Variants in EPG5 observed in about 807,000 individuals in gnomAD.
EPG5 encodes ectopic P granules protein 5 homolog.
In EPG5, 159 loss-of-function variants were observed where a neutral mutation model predicts 302.7. The ratio of observed to expected loss-of-function variants is 0.53; its 90% CI spans 0.46 to 0.60. The LOEUF is 0.60. Ranked by LOEUF, EPG5 falls within the 20% of genes least tolerant of loss-of-function variation. EPG5 has a pLI of 0.00. For missense variants in EPG5, 2,896 were observed against 3,092.4 expected (o/e 0.94, Z 1.51); for synonymous variants, 1,158 against 1,136.8 (o/e 1.02, Z -0.37).
chr18:45,837,809 G>A, the EPG5 span: 4 of 1,526,406 alleles, frequency 2.6e-6, no homozygotes, highest in Middle Eastern at 2.1e-4. Context: ...CCTGGCTGAC[G>A]ACCGCCGCTA....
rs756321214 is a variant in EPG5, at chr18:45,925,535, A to C, written c.2718+203T>G. 7.9e-5 allele frequency among the ~76,000 whole-genome samples: 12 copies of C among 152,208 alleles called. 1 individual carries two copies. The highest frequency in any genetic ancestry group is 1.8e-4 in the Non-Finnish European group (12 of 68,028). Reference sequence around the variant, plus strand: ...AATAAGGAAAAAGGGAAGAATTTTCAATGTGGAACAATTTATCCTCATTTA... The same window carrying C: ...AATAAGGAAAAAGGGAAGAATTTTCCATGTGGAACAATTTATCCTCATTTA... On this transcript the variant is annotated intron_variant, in intron 14 of 43. Transcript: ENST00000282041.
chr18:45,860,534 G>A (rs891177065), intron 39 of EPG5, among the ~76,000 whole-genome samples, 188 bp from the exon 40 acceptor site: 1 of 152,198 alleles, frequency 6.6e-6, no homozygotes, highest in Non-Finnish European at 1.5e-5. Flanking sequence ...TGCGGCACAC[G>A]GTTACTAAGA....
At chr18:45,840,563 C>A in the EPG5 span, among the ~76,000 whole-genome samples, 1 of 152,218 alleles carries the variant, frequency 6.6e-6, no homozygotes, top group Non-Finnish European at 1.5e-5. Context: ...CCGTTCCCCC[C>A]TGGCACTCTG....
chr18:45,836,987 T>C, the EPG5 span: 2 of 1,022,378 alleles, frequency 2.0e-6, no homozygotes, highest in South Asian at 1.3e-5. Context: ...TGAGCCTCAG[T>C]TTATTCACGT....
chr18:45,831,450 C>T, the EPG5 span, among the ~76,000 whole-genome samples: 1 of 152,182 alleles, frequency 6.6e-6, no homozygotes, highest in African/African-American at 2.4e-5. Context: ...GGGAAACTAA[C>T]CAAATAAGTG....
chr18:45,917,725 G>C lies in EPG5; in HGVS notation c.3193C>G (p.Leu1065Val). The change falls in exon 17 of 44, where the codon CTG (leucine) becomes GTG (valine). Residue 1065 changes from leucine (L) to valine (V), a missense_variant. This residue lies in a region of EPG5 where 1,390 missense variants were observed against 1,430.0 expected (regional missense o/e 0.97). Transcript: ENST00000282041. ...RTVVHVLDKI[L>V]PLFYPCQYYL... is the part of the protein sequence containing the mutation. ...TACTGGCAAGGGTAAAATAAAGGCA[G>C]AATCTTATCCAGGACATGAACCACT... is the stretch of plus-strand genomic sequence containing the variant. 1.2e-6 allele frequency: 2 copies of C among 1,614,138 alleles called. No individual in the cohort carries two copies. The highest frequency in any genetic ancestry group is 1.7e-6 in the Non-Finnish European group (2 of 1,179,980).
At chr18:45,952,212 C>G (rs2050923937) in intron 3 of EPG5, among the ~76,000 whole-genome samples, 188 bp downstream of exon 3, 1 of 152,174 alleles carries the variant, frequency 6.6e-6, no homozygotes, top group Non-Finnish European at 1.5e-5. Context: ...AGAAAGGAGA[C>G]CTGGCAATGC....
chr18:45,865,209 A>G (rs1425261200), intron 39 of EPG5, among the ~76,000 whole-genome samples: 1 of 152,196 alleles, frequency 6.6e-6, no homozygotes, highest in Non-Finnish European at 1.5e-5. Context: ...GCACCCAGTT[A>G]TCTTCAGCAG....
At position 45,944,083 on chromosome 18, in the gene EPG5, C is replaced by T. The variant is rs534698342; in HGVS notation, c.1714G>A (p.Glu572Lys). 2.5e-6 allele frequency: 4 copies of T among 1,613,896 alleles called. No homozygotes were observed. Among genetic ancestry groups the T allele is most frequent in the Non-Finnish European group, 3.4e-6 (4 of 1,179,818 alleles). Residue 572 changes from glutamate (E) to lysine (K), a missense_variant, in exon 8 of 44, where the codon GAA becomes AAA. Physicochemically the swap from Glu to Lys is moderately conservative, Grantham distance 56. Coordinates refer to ENST00000282041, the MANE Select transcript of EPG5 (RefSeq NM_020964.3). ...DPETSWILLNEDDLVTILAQF... is the reference protein window; with the variant it reads ...DPETSWILLNKDDLVTILAQF... ...GCTAAAATGGTAACCAAATCATCTT[C>T]ATTAAGGAGAATCCAACTGGTCTCA...
At chr18:45,864,873 C>A (rs75033355) in intron 39 of EPG5, among the ~76,000 whole-genome samples, 1 of 152,210 alleles carries the variant, frequency 6.6e-6, no homozygotes, top group African/African-American at 2.4e-5. Context: ...AACCTAACAA[C>A]GAGGCCAAAA....
Position 45,960,590 on chromosome 18 carries a change from TGATA to T in EPG5, c.64-5256_64-5253del, listed in dbSNP as rs142931619. Among the ~76,000 whole-genome samples the T allele has an allele frequency of 6.2e-3, 937 of 152,330 alleles. 7 individuals are homozygous for T. Among genetic ancestry groups the T allele is most frequent in the African/African-American group, 0.021 (858 of 41,578 alleles). ...AATGAGTAAATTTTACAAAAAGAGT[TGATA>T]AATAGAGAAAAACATGCTTAACTAT... On this transcript the variant is annotated intron_variant, in intron 1 of 43. Transcript: ENST00000282041.
the EPG5 span, among the ~76,000 whole-genome samples, chr18:45,826,956 C>T: frequency 3.5e-4 from 54 of 152,270 alleles, no homozygotes; most frequent in African/African-American, 1.3e-3. Context: ...ACTCTGTCAC[C>T]CAGGCTGGAG....
At chr18:45,806,527 C>T in the EPG5 span, among the ~76,000 whole-genome samples, 1 of 152,156 alleles carries the variant, frequency 6.6e-6, no homozygotes, top group Non-Finnish European at 1.5e-5. Context: ...CCAAACTGTA[C>T]AAGTGGGAAA....
chr18:45,834,887 G>A, the EPG5 span, among the ~76,000 whole-genome samples: 1 of 152,220 alleles, frequency 6.6e-6, no homozygotes, highest in Non-Finnish European at 1.5e-5. Context: ...AACTAAGGCT[G>A]GGGCTCAACC....
At chr18:45,953,304 G>C (rs2050953319) in intron 2 of EPG5, 1 of 984,922 alleles carries the variant, frequency 1.0e-6, no homozygotes. Context: ...AAACTTCAAG[G>C]TATCTCAAAA....
intron 20 of EPG5, among the ~76,000 whole-genome samples, chr18:45,915,171 G>A (rs899130570): frequency 1.3e-5 from 2 of 151,898 alleles, no homozygotes; most frequent in South Asian, 2.1e-4. Flanking sequence ...CCAGCTACTC[G>A]GGAGGCTGTG....
chr18:45,967,094 A>G, intron 1 of EPG5, 83 bp downstream of exon 1: 1 of 1,373,640 alleles, frequency 7.3e-7, no homozygotes, highest in Non-Finnish European at 1.0e-6. Flanking sequence ...GAACGGGAGT[A>G]GAATTGGCTG....
intron 38 of EPG5, among the ~76,000 whole-genome samples, chr18:45,866,172 T>G (rs1599443915): frequency 6.7e-6 from 1 of 149,542 alleles, no homozygotes; most frequent in African/African-American, 2.5e-5. Context: ...CAGGCTGGAG[T>G]GCAGTGGTGC....
chr18:45,804,640 T>G, the EPG5 span, among the ~76,000 whole-genome samples: 1 of 152,004 alleles, frequency 6.6e-6, no homozygotes, highest in East Asian at 1.9e-4. Flanking sequence ...GCAATATCTA[T>G]CAAATATGAA....
Sources: gnomAD v4.1 joint callset for allele counts (sites outside exome capture counted in the v4.1 genomes callset) on GRCh38, gnomAD v4.1.1 for gene constraint, gnomAD v4.1.1 regional missense constraint, MANE v1.5 for transcripts, NCBI Gene and HGNC (gene_info 2026-07-23, HGNC 2026-07-21) for gene names.